CAMTA1: variants seen among roughly 807,000 people sequenced by gnomAD.
The protein encoded by CAMTA1 is calmodulin-binding transcription activator 1.
CAMTA1 carries 27 observed loss-of-function variants against 170.9 expected under a neutral mutation model. That is an observed-to-expected ratio of 0.16 (90% CI 0.12 to 0.22). CAMTA1 has a LOEUF of 0.22. CAMTA1 is among the 10% of genes least tolerant of loss of function. The pLI is 1.00. For synonymous variants in CAMTA1, 833 were observed against 891.5 expected, an observed-to-expected ratio of 0.93 and a Z score of 1.17; for missense variants, 1,619 against 2,217.2, an observed-to-expected ratio of 0.73 and a Z score of 5.42.
intron 4 of CAMTA1, among the ~76,000 whole-genome samples, chr1:7,218,213 C>G (rs983980679): frequency 6.6e-6 from 1 of 152,130 alleles, no homozygotes; most frequent in African/African-American, 2.4e-5. Context: ...CATTTACAAG[C>G]GTTGAGGATA....
At position 7,642,337 on chromosome 1, in the gene CAMTA1, G is replaced by A. The variant is rs918475312; in HGVS notation, c.664+1784G>A. On this transcript the variant is annotated intron_variant, in intron 7 of 22. Transcript: ENST00000303635. This position sits in a 1 kb window ranked among gnomAD's most constrained non-coding sequence, Gnocchi z 6.3. The stretch of plus-strand genomic sequence containing the variant: ...TGGAAATAGCCCTGGAATGGTGGGG[G>A]GGAAGGGACCTGCCCAGGGTCCTGA... Among the ~76,000 whole-genome samples, 1 of 152,182 alleles carries A rather than the reference G, an allele frequency of 6.6e-6. No individual in the cohort carries two copies. Among genetic ancestry groups the A allele is most frequent in the Non-Finnish European group, 1.5e-5 (1 of 68,020 alleles).
chr1:7,146,830 A>G lies in CAMTA1; in HGVS notation c.302+55459A>G, dbSNP rs1190093514. Among the ~76,000 whole-genome samples the G allele has an allele frequency of 6.6e-6, 1 of 151,968 alleles. No homozygotes were observed. Among genetic ancestry groups the G allele is most frequent in the Non-Finnish European group, 1.5e-5 (1 of 67,986 alleles). On this transcript the variant is annotated intron_variant, in intron 4 of 22. Coordinates refer to ENST00000303635, the MANE Select transcript of CAMTA1 (RefSeq NM_015215.4). The surrounding 1 kb of genome is among the most constrained non-coding windows in gnomAD (Gnocchi z 4.3). Reference sequence around the variant, plus strand: ...TACACCATGTGCACACACACCACACACACATATACCATGCACACACAAACA... The same window carrying G: ...TACACCATGTGCACACACACCACACGCACATATACCATGCACACACAAACA...
At chr1:7,235,349 G>A (rs1242699784) in intron 4 of CAMTA1, among the ~76,000 whole-genome samples, 1 of 152,144 alleles carries the variant, frequency 6.6e-6, no homozygotes, top group African/African-American at 2.4e-5. Flanking sequence ...AAATGAGGCC[G>A]GGCGCATGGC....
At chr1:7,724,818 C>CA (rs960235639) in intron 11 of CAMTA1, among the ~76,000 whole-genome samples, 21,052 of 84,916 alleles carry the variant, frequency 0.25, 1,945 homozygotes, top group South Asian at 0.35. Context: ...GCGAGACTCT[C>CA]AAAAAAAAAA....
rs1039924497 is a variant in CAMTA1, at chr1:7,600,627, C to T, written c.511-39773C>T. 5.7e-4 allele frequency among the ~76,000 whole-genome samples: 87 copies of T among 151,780 alleles called. 1 individual carries two copies. The highest frequency in any genetic ancestry group is 4.0e-4 in the Non-Finnish European group (27 of 67,988). On this transcript the variant is annotated intron_variant, in intron 6 of 22. Coordinates refer to ENST00000303635, the MANE Select transcript of CAMTA1 (RefSeq NM_015215.4). ...TGGTTTTCCTAGGCAGAGGACCCTG[C>T]GGCCTTCCAAAGTGTTTGTGTCCCT...
At chr1:7,355,007 A>G (rs1430612245) in intron 5 of CAMTA1, among the ~76,000 whole-genome samples, 1 of 151,978 alleles carries the variant, frequency 6.6e-6, no homozygotes, top group Non-Finnish European at 1.5e-5. Flanking sequence ...GAAGTTTGAG[A>G]CCAGCCTGGC....
intron 4 of CAMTA1, among the ~76,000 whole-genome samples, chr1:7,219,088 A>T (rs978529158): frequency 3.3e-5 from 5 of 152,228 alleles, no homozygotes; most frequent in African/African-American, 1.2e-4. Context: ...TCTTGAGGAT[A>T]TCTTTAAAAG....
intron 3 of CAMTA1, among the ~76,000 whole-genome samples, chr1:7,057,229 T>G (rs140944609): frequency 3.0e-4 from 45 of 152,312 alleles, no homozygotes; most frequent in African/African-American, 1.0e-3. Flanking sequence ...GTTTTGCCTT[T>G]GGGTTTCTCA....
rs56382342 is a variant in CAMTA1, at chr1:7,323,507, CTTTTTTTTT to C, written c.438+73898_438+73906del. 3.0e-4 allele frequency among the ~76,000 whole-genome samples: 33 copies of C among 108,990 alleles called. No homozygotes were observed. In the South Asian group the frequency reaches 7.8e-3, roughly 26 times the overall value. The allele number at this position is 108,990 out of a possible 152,430, so 71.5% of individuals were successfully genotyped here. A position where few individuals can be genotyped will look rare whatever the true frequency, so the allele number is the denominator to read the frequency against. On this transcript the variant is annotated intron_variant, in intron 5 of 22. Transcript: ENST00000303635. Reference sequence around the variant, plus strand: ...GGATGATTCTATTTCCTTTATTCTTCTTTTTTTTTTTTTTTTTTTTTTTTTATCTTTTTG... The same window carrying C: ...GGATGATTCTATTTCCTTTATTCTTCTTTTTTTTTTTTTTTTATCTTTTTG...
chr1:7,471,270 G>T (rs1462465926), intron 6 of CAMTA1, among the ~76,000 whole-genome samples: 1 of 152,248 alleles, frequency 6.6e-6, no homozygotes, highest in Non-Finnish European at 1.5e-5. Context: ...ATTCTATTAG[G>T]CTATGAGCGA....
At chr1:7,349,970 G>T (rs1294639699) in intron 5 of CAMTA1, among the ~76,000 whole-genome samples, 1 of 152,166 alleles carries the variant, frequency 6.6e-6, no homozygotes, top group Admixed American at 6.5e-5. Context: ...AGGGAAGAGG[G>T]ATGGGGTCTC....
chr1:7,532,279 C>T lies in CAMTA1; in HGVS notation c.510+64378C>T, dbSNP rs887015120. Among the ~76,000 whole-genome samples the T allele has an allele frequency of 6.6e-6, 1 of 152,126 alleles. No individual in the cohort carries two copies. Among genetic ancestry groups the T allele is most frequent in the African/African-American group, 2.4e-5 (1 of 41,432 alleles). On this transcript the variant is annotated intron_variant, in intron 6 of 22. Transcript: ENST00000303635. This position sits in a 1 kb window ranked among gnomAD's most constrained non-coding sequence, Gnocchi z 4.2. ...GACTGCCACTCACCCTCCGAGGTGG[C>T]CATCTTCTCAGCTTCTTTCATTTCT... is the stretch of plus-strand genomic sequence containing the variant.
In CAMTA1 at chr1:7,171,562, T is replaced by C. The variant is rs79296953; in HGVS notation, c.303-77929T>C. On this transcript the variant is annotated intron_variant, in intron 4 of 22. Coordinates refer to ENST00000303635, the MANE Select transcript of CAMTA1 (RefSeq NM_015215.4). ...TAAGGGACTCTTTTCTATGAATTATTCTCCCCTGCCCCCAATCAAATCCAT... is the reference window on the plus strand; with the variant it reads ...TAAGGGACTCTTTTCTATGAATTATCCTCCCCTGCCCCCAATCAAATCCAT... 8.1e-3 allele frequency among the ~76,000 whole-genome samples: 1,228 copies of C among 152,286 alleles called. 14 individuals are homozygous for C. Among genetic ancestry groups the C allele is most frequent in the African/African-American group, 0.028 (1,143 of 41,552 alleles).
intron 3 of CAMTA1, among the ~76,000 whole-genome samples, chr1:6,914,577 G>A (rs1183026743): frequency 6.6e-6 from 1 of 152,116 alleles, no homozygotes; most frequent in Non-Finnish European, 1.5e-5. Context: ...CATTTTTTGT[G>A]GCCTCCGACT....
chr1:7,699,069 C>T (rs575411707), intron 11 of CAMTA1, among the ~76,000 whole-genome samples: 2 of 152,328 alleles, frequency 1.3e-5, no homozygotes, highest in South Asian at 2.1e-4. Context: ...TTCTATACTT[C>T]TTCATTCTCT....
At chr1:7,410,894 CGTCTGTGTGTGTGTGT>C (rs1349560319) in intron 5 of CAMTA1, among the ~76,000 whole-genome samples, 1 of 91,928 alleles carries the variant, frequency 1.1e-5, no homozygotes, top group East Asian at 2.3e-4. Flanking sequence ...GGAGGGTGGG[CGTCTGTGTGTGTGTGT>C]GTGTGTGTGT....
intron 6 of CAMTA1, among the ~76,000 whole-genome samples, chr1:7,581,973 C>T (rs1557952969): frequency 6.6e-6 from 1 of 152,186 alleles, no homozygotes. Flanking sequence ...TGATGATATT[C>T]GTGTGCCGGC....
At chr1:6,827,091 T>C (rs965929776) in intron 3 of CAMTA1, among the ~76,000 whole-genome samples, 1 of 152,228 alleles carries the variant, frequency 6.6e-6, no homozygotes, top group Non-Finnish European at 1.5e-5. Context: ...CATACTCCCT[T>C]GGAGGCCAGA....
At position 7,064,145 on chromosome 1, in the gene CAMTA1, C is replaced by A. The variant is rs997746539; in HGVS notation, c.235-27159C>A. 1.2e-4 allele frequency among the ~76,000 whole-genome samples: 18 copies of A among 151,270 alleles called. No homozygotes were observed. Among genetic ancestry groups the A allele is most frequent in the African/African-American group, 2.4e-5 (1 of 41,124 alleles). ...CCTTCTTCTTCTCCTCCTCCTCCTT[C>A]TCTTCTTCCCTCCTCCTCCTCTTCC... On this transcript the variant is annotated intron_variant, in intron 3 of 22. Transcript: ENST00000303635. This position sits in a 1 kb window ranked among gnomAD's most constrained non-coding sequence, Gnocchi z 5.4.
Sources: gnomAD v4.1 joint callset for allele counts (sites outside exome capture counted in the v4.1 genomes callset) on GRCh38, gnomAD v4.1.1 for gene constraint, Gnocchi (gnomAD v3.1) non-coding constraint, MANE v1.5 for transcripts, NCBI Gene and HGNC (gene_info 2026-07-23, HGNC 2026-07-21) for gene names.